GCC2: variants seen among roughly 807,000 people sequenced by gnomAD.
The protein encoded by GCC2 is GRIP and coiled-coil domain-containing protein 2.
GCC2 carries 120 observed loss-of-function variants against 210.6 expected under a neutral mutation model. That is an observed-to-expected ratio of 0.57 (90% CI 0.49 to 0.66). GCC2 has a LOEUF of 0.66. GCC2 is among the 30% of genes least tolerant of loss of function. The probability of loss-of-function intolerance (pLI) is 0.00; values close to 1 mark genes in which losing one functional copy is unlikely to be tolerated. For missense variants in GCC2, 1,868 were observed against 1,871.9 expected, an observed-to-expected ratio of 1.00 and a Z score of 0.04; for synonymous variants, 703 against 652.7, an observed-to-expected ratio of 1.08 and a Z score of -1.17.
At chr2:108,484,976 G>A (rs1179278357) in intron 13 of GCC2, among the ~76,000 whole-genome samples, 4 of 151,278 alleles carry the variant, frequency 2.6e-5, no homozygotes, top group Admixed American at 2.6e-4. Flanking sequence ...ATACACCATG[G>A]AATACTATGC....
chr2:108,473,148 T>C, intron 7 of GCC2: 1 of 376,856 alleles, frequency 2.7e-6, no homozygotes. Flanking sequence ...TTATTTTGGA[T>C]TTTTCATTCA....
In GCC2 at chr2:108,470,647, C is replaced by CT. The variant is rs1157197068; in HGVS notation, c.1319dup (p.Asn441LysfsTer2). 4 of 1,611,876 alleles carry CT rather than the reference C, an allele frequency of 2.5e-6. No homozygotes were observed. ...ACAACATCAAAAAGAAATATCAGAA[C>CT]TAAATGAGACATTTTTGTCAGATTC... On this transcript the variant is annotated frameshift_variant, in exon 6 of 23. Coordinates refer to ENST00000309863, the MANE Select transcript of GCC2 (RefSeq NM_181453.4). LOFTEE classifies it high-confidence loss of function.
Position 108,475,553 on chromosome 2 carries a change from G to A in GCC2, c.2879G>A (p.Cys960Tyr). The A allele has an allele frequency of 6.8e-7, 1 of 1,468,436 alleles. No homozygotes were observed. The highest frequency in any genetic ancestry group is 9.2e-7 in the Non-Finnish European group (1 of 1,088,740). The allele number at this position is 1,468,436 out of a possible 1,614,324, so 91.0% of individuals were successfully genotyped here. ...TTTTTAGAAAATCTGGAAAAAGAAT[G>A]CAAAGAAAAGGAGGAGAAAATAAAT... ...EEKIENLEKE[C>Y]KEKEEKINKI... The change falls in exon 8 of 23, where the codon TGC becomes TAC. Residue 960 changes from cysteine to tyrosine, a missense_variant. Cys to Tyr is a radical substitution (Grantham distance 194). Around this residue, in one of 3 missense-constraint regions of GCC2, gnomAD observed 1,847 missense variants for 1,765.2 expected, o/e 1.05. Transcript: ENST00000309863.
chr2:108,507,438 T>TAA (rs1321672070), intron 22 of GCC2, 122 bp from the exon 23 acceptor site: 1 of 495,742 alleles, frequency 2.0e-6, no homozygotes, highest in Non-Finnish European at 3.2e-6. Flanking sequence ...ATGTAATCAG[T>TAA]AAAAAACACA....
chr2:108,471,131 A>T lies in GCC2; in HGVS notation c.1802A>T (p.Asn601Ile), dbSNP rs200008152. 6.3e-7 allele frequency: 1 copy of T among 1,587,550 alleles called. No individual in the cohort carries two copies. Among genetic ancestry groups the T allele is most frequent in the African/African-American group, 1.3e-5 (1 of 74,112 alleles). Reference sequence around the variant, plus strand: ...ACTGAGGAAAAAGATGATTTTATAAATAAACTGAAAAATTCCCATGAAGAA... The same window carrying T: ...ACTGAGGAAAAAGATGATTTTATAATTAAACTGAAAAATTCCCATGAAGAA... ...SLTEEKDDFI[N>I]KLKNSHEEMD... Residue 601 changes from asparagine to isoleucine, a missense_variant, in exon 6 of 23, where the codon AAT (asparagine) becomes ATT (isoleucine). Asn to Ile is a moderately radical substitution (Grantham distance 149, BLOSUM62 -3). Transcript: ENST00000309863.
At position 108,471,915 on chromosome 2, in the gene GCC2, A is replaced by G; in HGVS notation, c.2586A>G (p.Leu862=). 4 of 1,600,932 alleles carry G rather than the reference A, an allele frequency of 2.5e-6. No individual in the cohort carries two copies. The highest frequency in any genetic ancestry group is 3.4e-6 in the Non-Finnish European group (4 of 1,175,836). ...SEKEALQSDL[L]EMKNANEKTR... ...AAGAGGCCCTGCAGTCTGATCTTCT[A>G]GAAATGAAGAATGCTAATGAAAAAA... is the stretch of plus-strand genomic sequence containing the variant. The change falls in exon 6 of 23, where the codon CTA becomes CTG. Residue 862 remains leucine, a synonymous_variant. Transcript: ENST00000309863.
intron 7 of GCC2, among the ~76,000 whole-genome samples, chr2:108,474,038 G>C (rs1293314011): frequency 6.6e-6 from 1 of 151,788 alleles, no homozygotes; most frequent in Non-Finnish European, 1.5e-5. Flanking sequence ...GGCGCTTGTA[G>C]TCACAGCTAC....
chr2:108,490,080 TA>T, intron 18 of GCC2, 66 bp downstream of exon 18: 1 of 1,106,140 alleles, frequency 9.0e-7, no homozygotes, highest in Non-Finnish European at 1.3e-6. Flanking sequence ...AAACTTCTAA[TA>T]TGTTGATCCT....
intron 15 of GCC2, 70 bp from the exon 16 acceptor site, chr2:108,486,440 AT>A (rs1467064820): frequency 1.3e-6 from 2 of 1,482,220 alleles, no homozygotes; most frequent in Non-Finnish European, 1.9e-6. Context: ...TAAAGTTTGT[AT>A]TTTAAGGAAA....
intron 4 of GCC2, among the ~76,000 whole-genome samples, chr2:108,458,370 C>CTTTT (rs1454205596): frequency 1.0e-5 from 1 of 98,776 alleles, no homozygotes; most frequent in African/African-American, 4.6e-5. Context: ...TTGGTTGTTG[C>CTTTT]TTTCTTTTTT....
chr2:108,450,217 G>T (rs1377312148), intron 2 of GCC2, among the ~76,000 whole-genome samples: 1 of 152,166 alleles, frequency 6.6e-6, no homozygotes, highest in Non-Finnish European at 1.5e-5. Flanking sequence ...AGGTACTGTT[G>T]TTACCCTCCT....
At chr2:108,459,504 G>A (rs1323205237) in intron 4 of GCC2, among the ~76,000 whole-genome samples, 1 of 152,064 alleles carries the variant, frequency 6.6e-6, no homozygotes, top group African/African-American at 2.4e-5. Flanking sequence ...GGTCCATTTG[G>A]TCTAAAGTCT....
In GCC2 at chr2:108,492,688, C is replaced by T. The variant is rs781045802; in HGVS notation, c.4345C>T (p.His1449Tyr). The change falls in exon 19 of 23, where the codon CAT becomes TAT. Residue 1449 changes from histidine to tyrosine, a missense_variant. Physicochemically the swap from His to Tyr is moderately conservative, Grantham distance 83. Coordinates refer to ENST00000309863, the MANE Select transcript of GCC2 (RefSeq NM_181453.4). ...LRNSFRDQVR[H>Y]LQEEHRKTVE... ...AAATAGCTTCCGAGATCAAGTGCGA[C>T]ATTTGCAGGAAGAACACAGAAAGAC... is the stretch of plus-strand genomic sequence containing the variant. 2.5e-5 allele frequency: 41 copies of T among 1,613,688 alleles called. No individual in the cohort carries two copies. Among genetic ancestry groups the T allele is most frequent in the Non-Finnish European group, 3.0e-5 (35 of 1,179,712 alleles).
intron 4 of GCC2, among the ~76,000 whole-genome samples, chr2:108,459,945 T>C (rs1313962735): frequency 2.6e-5 from 4 of 151,816 alleles, no homozygotes; most frequent in East Asian, 1.9e-4. Flanking sequence ...CTCCGCCTCC[T>C]GGGTTCAAGT....
intron 4 of GCC2, among the ~76,000 whole-genome samples, chr2:108,458,356 G>T (rs1336451334): frequency 5.4e-5 from 8 of 147,134 alleles, no homozygotes; most frequent in Non-Finnish European, 1.0e-4. Context: ...GTTCATCAGG[G>T]ATATTGGTTG....
chr2:108,501,708 A>G (rs1452340058), intron 22 of GCC2, among the ~76,000 whole-genome samples: 3 of 152,108 alleles, frequency 2.0e-5, no homozygotes, highest in Non-Finnish European at 4.4e-5. Context: ...CCAATTTCTG[A>G]CCCAAGACTC....
At chr2:108,474,683 G>A (rs1413349695) in intron 7 of GCC2, 1 of 152,092 alleles carries the variant, frequency 6.6e-6, no homozygotes, top group East Asian at 1.9e-4. Context: ...ATAACAGCAT[G>A]TTTAAGATGT....
chr2:108,477,298 A>C (rs983482137), intron 9 of GCC2, among the ~76,000 whole-genome samples: 3 of 152,224 alleles, frequency 2.0e-5, no homozygotes, highest in Non-Finnish European at 4.4e-5. Flanking sequence ...CTGCATAACA[A>C]CAAACAGGTG....
At chr2:108,461,321 A>G (rs975898021) in intron 4 of GCC2, among the ~76,000 whole-genome samples, 4 of 151,464 alleles carry the variant, frequency 2.6e-5, no homozygotes, top group Non-Finnish European at 5.9e-5. Flanking sequence ...CTGTTTTTAG[A>G]ATTCTCTTTG....
Sources: gnomAD v4.1 joint callset for allele counts (sites outside exome capture counted in the v4.1 genomes callset) on GRCh38, gnomAD v4.1.1 for gene constraint, gnomAD v4.1.1 regional missense constraint, MANE v1.5 for transcripts, NCBI Gene and HGNC (gene_info 2026-07-23, HGNC 2026-07-21) for gene names.